Variants in PLCH1 observed in about 807,000 individuals in gnomAD.
The protein encoded by PLCH1 is 1-phosphatidylinositol 4,5-bisphosphate phosphodiesterase eta-1.
PLCH1 carries 60 observed loss-of-function variants against 126.7 expected under a neutral mutation model. The observed-to-expected ratio is 0.47, with a 90% confidence interval of 0.38 to 0.59. PLCH1 has a LOEUF of 0.59. Ranked by LOEUF, PLCH1 falls within the 20% of genes least tolerant of loss-of-function variation. The pLI, the probability that PLCH1 is intolerant of heterozygous loss-of-function variation, is 0.00. For missense variants in PLCH1, 1,723 were observed against 2,040.0 expected (o/e 0.84, Z 2.99); for synonymous variants, 719 against 734.9 (o/e 0.98, Z 0.35).
At chr3:155,569,644 G>C (rs1463940556) in intron 6 of PLCH1, among the ~76,000 whole-genome samples, 1 of 152,162 alleles carries the variant, frequency 6.6e-6, no homozygotes, top group Non-Finnish European at 1.5e-5. Flanking sequence ...TCTGCTGTGA[G>C]CTAGAGAGAT....
In PLCH1 at chr3:155,486,058, G is replaced by A. The variant is rs994891540; in HGVS notation, c.2620-348C>T. The A allele has an allele frequency of 6.2e-6, 5 of 808,186 alleles. No individual in the cohort carries two copies. The East Asian group carries it at 1.1e-4, about 17-fold the overall frequency. 50.1% of individuals were successfully genotyped at this position (808,186 alleles called of 1,614,324 possible). Reference sequence around the variant, plus strand: ...ATGCATGTTTCAAAGTGGTAAGCAGGAAGATGGAGTGATATGAAAAAGCAT... The same window carrying A: ...ATGCATGTTTCAAAGTGGTAAGCAGAAAGATGGAGTGATATGAAAAAGCAT... On this transcript the variant is annotated intron_variant, in intron 21 of 22. Transcript: ENST00000460012.
chr3:155,685,059 G>A (rs2109024309), intron 2 of PLCH1, among the ~76,000 whole-genome samples: 1 of 152,294 alleles, frequency 6.6e-6, no homozygotes, highest in East Asian at 1.9e-4. Context: ...CCAGGGCCTA[G>A]AACGGACCAG....
chr3:155,483,759 T>C (rs1714559272), intron 22 of PLCH1, among the ~76,000 whole-genome samples: 1 of 152,150 alleles, frequency 6.6e-6, no homozygotes, highest in South Asian at 2.1e-4. Flanking sequence ...CAGTAAGTTG[T>C]CAGGCACAGT....
chr3:155,595,345 G>A (rs928371716), intron 3 of PLCH1, among the ~76,000 whole-genome samples: 1 of 152,190 alleles, frequency 6.6e-6, no homozygotes, highest in Non-Finnish European at 1.5e-5. Flanking sequence ...TCAGAAGTTT[G>A]TATATCCTAT....
intron 22 of PLCH1, chr3:155,483,498 A>C (rs371723008): frequency 1.6e-4 from 74 of 468,176 alleles, no homozygotes; most frequent in East Asian, 1.6e-3. Flanking sequence ...AAAACAAAAA[A>C]AGAAGAAAAG....
At chr3:155,643,323 G>A (rs571490329) in intron 2 of PLCH1, among the ~76,000 whole-genome samples, 1 of 152,228 alleles carries the variant, frequency 6.6e-6, no homozygotes, top group African/African-American at 2.4e-5. Context: ...AAGCAGCCCT[G>A]TGGAGACATT....
intron 1 of PLCH1, among the ~76,000 whole-genome samples, chr3:155,716,649 A>G (rs1747532838): frequency 6.6e-6 from 1 of 152,182 alleles, no homozygotes; most frequent in Non-Finnish European, 1.5e-5. Context: ...TATCGTGAGG[A>G]CAGCACCAAG....
At chr3:155,743,270 G>A (rs2109225011) in intron 1 of PLCH1, 1 of 453,180 alleles carries the variant, frequency 2.2e-6, no homozygotes, top group Non-Finnish European at 4.4e-6. Context: ...GGTGGCTCAC[G>A]CCTGTGATCC....
rs1721563137 is a variant in PLCH1 at position 155,523,991 on chromosome 3, G to A, written c.1376C>T (p.Pro459Leu). The A allele has an allele frequency of 5.0e-6, 8 of 1,588,436 alleles. No individual in the cohort carries two copies. The highest frequency in any genetic ancestry group is 6.9e-6 in the Non-Finnish European group (8 of 1,158,796). Residue 459 changes from proline to leucine, a missense_variant, in exon 11 of 23, where the codon CCT (proline) becomes CTT (leucine). Pro to Leu is a moderately conservative substitution (Grantham distance 98, BLOSUM62 -3). Transcript: ENST00000460012. Reference protein sequence around the residue: ...GKILVKGKKLPYHLGDDAEEG... With the variant: ...GKILVKGKKLLYHLGDDAEEG... ...CTCTGCATCATCCCCAAGGTGATAA[G>A]GCAACTTCTTACCCTGAAATGGAAC...
intron 2 of PLCH1, among the ~76,000 whole-genome samples, chr3:155,611,303 T>C (rs971494404): frequency 6.6e-6 from 1 of 151,964 alleles, no homozygotes; most frequent in African/African-American, 2.4e-5. Flanking sequence ...GCAGGGAGAA[T>C]TGCTTGAACC....
intron 1 of PLCH1, among the ~76,000 whole-genome samples, chr3:155,734,787 C>A (rs181506723): frequency 4.0e-5 from 6 of 151,284 alleles, no homozygotes; most frequent in African/African-American, 1.2e-4. Flanking sequence ...CGGCTCACTG[C>A]AACCTCCGCC....
chr3:155,537,187 A>C (rs1723468518), intron 10 of PLCH1, among the ~76,000 whole-genome samples: 3 of 22,182 alleles, frequency 1.4e-4, no homozygotes, highest in African/African-American at 6.2e-4. Context: ...CTAGCACTAC[A>C]AAAAAAAAAA....
At chr3:155,674,133 T>C (rs1743842191) in intron 2 of PLCH1, among the ~76,000 whole-genome samples, 1 of 152,180 alleles carries the variant, frequency 6.6e-6, no homozygotes, top group African/African-American at 2.4e-5. Context: ...GCCTCAAGCT[T>C]GCTCCTGCTT....
chr3:155,706,003 ATC>A (rs1746631034), intron 1 of PLCH1, among the ~76,000 whole-genome samples: 1 of 149,972 alleles, frequency 6.7e-6, no homozygotes. Flanking sequence ...GTGAAATCCC[ATC>A]TCTACTAAAA....
chr3:155,522,710 CTTTTTT>C (rs76460443), intron 11 of PLCH1, among the ~76,000 whole-genome samples: 1 of 140,882 alleles, frequency 7.1e-6, no homozygotes, highest in Admixed American at 7.1e-5. Context: ...ATTTCTCTCT[CTTTTTT>C]TTTTTTTTTT....
intron 2 of PLCH1, among the ~76,000 whole-genome samples, chr3:155,653,128 GATATAGATATAGAT>G (rs1352234078): frequency 3.0e-4 from 6 of 19,760 alleles, no homozygotes; most frequent in African/African-American, 2.9e-3. Context: ...GATAGATATA[GATATAGATATAGAT>G]ATAGATATAG....
chr3:155,537,157 G>A (rs551284169), intron 10 of PLCH1, among the ~76,000 whole-genome samples: 1 of 121,410 alleles, frequency 8.2e-6, no homozygotes, highest in Non-Finnish European at 1.6e-5. Flanking sequence ...AAAATGCTGA[G>A]AGAATTCGCC....
chr3:155,487,918 T>C (rs1715515897), intron 21 of PLCH1, 110 bp downstream of exon 21: 1 of 696,992 alleles, frequency 1.4e-6, no homozygotes, highest in Non-Finnish European at 2.5e-6. Flanking sequence ...TTAGAGTTTT[T>C]GGTTCAAGAA....
intron 4 of PLCH1, among the ~76,000 whole-genome samples, chr3:155,589,011 C>T (rs1247046745): frequency 6.6e-6 from 1 of 152,008 alleles, no homozygotes; most frequent in Admixed American, 6.6e-5. Flanking sequence ...TATGAGTGTC[C>T]AATAAAGCCC....
Sources: allele counts gnomAD v4.1 joint callset (sites outside exome capture counted in the v4.1 genomes callset), GRCh38; gene constraint gnomAD v4.1.1; transcripts MANE v1.5; gene names NCBI Gene and HGNC (gene_info 2026-07-23, HGNC 2026-07-21).